The following USP35 variants were observed in gnomAD, a reference collection of about 807,000 sequenced individuals.
USP35 encodes ubiquitin specific peptidase 35, also known as ubiquitin carboxyl-terminal hydrolase 35.
A neutral mutation model predicts 83.8 loss-of-function variants in USP35; 69 were observed. That is an observed-to-expected ratio of 0.82 (90% CI 0.68 to 1.01). USP35 has a LOEUF of 1.01. USP35 is among the 50% of genes least tolerant of loss of function. USP35 has a pLI of 0.00. For missense variants in USP35, 1,503 were observed against 1,362.5 expected (o/e 1.10, Z -1.62); for synonymous variants, 714 against 589.5 (o/e 1.21, Z -3.06).
rs1232155677 is a variant in USP35, at chr11:78,210,098, C to G, written c.2243C>G (p.Ser748Cys). The G allele has an allele frequency of 1.2e-6, 2 of 1,613,938 alleles. No individual in the cohort carries two copies. Among genetic ancestry groups the G allele is most frequent in the Non-Finnish European group, 1.7e-6 (2 of 1,180,008 alleles). Residue 748 changes from serine (S) to cysteine (C), a missense_variant, in exon 10 of 11, where the codon TCC becomes TGC. Physicochemically the swap from Ser to Cys is moderately radical, Grantham distance 112 (BLOSUM62 -1). Transcript: ENST00000529308. ...AGTHPDAAIP[S>C]GERTCGSEGS... ...ACCCACCCGGATGCTGCCATCCCCTCCGGGGAGCGGACATGTGGCTCTGAG... is the reference window on the plus strand; with the variant it reads ...ACCCACCCGGATGCTGCCATCCCCTGCGGGGAGCGGACATGTGGCTCTGAG...
At chr11:78,208,145 A>G (rs1863593098) in intron 8 of USP35, among the ~76,000 whole-genome samples, 1 of 152,148 alleles carries the variant, frequency 6.6e-6, no homozygotes, top group Non-Finnish European at 1.5e-5. Context: ...GGGGAAAGCA[A>G]ACGGCCTGTG....
chr11:78,196,540 C>T lies in USP35; in HGVS notation c.295C>T (p.Arg99Cys). 2 of 1,230,166 alleles carry T rather than the reference C, an allele frequency of 1.6e-6. No homozygotes were observed. The highest frequency in any genetic ancestry group is 2.0e-6 in the Non-Finnish European group (2 of 978,972). The allele number at this position is 1,230,166 out of a possible 1,614,324, so 76.2% of individuals were successfully genotyped here. Residue 99 changes from arginine to cysteine, a missense_variant, in exon 2 of 11, where the codon CGC becomes TGC. Transcript: ENST00000529308. This position sits in a 1 kb window ranked among gnomAD's most constrained non-coding sequence, Gnocchi z 4.8. ...LQGGAGPPGP[R>C]ALACVQLGLQ... ...GGGTGGCGCCGGCCCCCCGGGCCCCCGCGCGCTCGCCTGCGTGCAGCTGGG... is the reference window on the plus strand; with the variant it reads ...GGGTGGCGCCGGCCCCCCGGGCCCCTGCGCGCTCGCCTGCGTGCAGCTGGG...
the USP35 span, chr11:78,223,651 G>C: frequency 6.2e-7 from 1 of 1,606,316 alleles, no homozygotes; most frequent in Non-Finnish European, 8.5e-7. Context: ...GGTGCTGTCC[G>C]ATCGGCCCAC....
In USP35 at chr11:78,210,762, G is replaced by A. The variant is rs1863739630; in HGVS notation, c.2889+18G>A. ...ACCTACAGGTGAGCTGAGCCGTGGGGCCTTTGATCTGATCTCTTGGTGGAG... is the reference window on the plus strand; with the variant it reads ...ACCTACAGGTGAGCTGAGCCGTGGGACCTTTGATCTGATCTCTTGGTGGAG... On this transcript the variant is annotated intron_variant, in intron 10 of 10. Coordinates refer to ENST00000529308, the MANE Select transcript of USP35 (RefSeq NM_020798.4). 2.0e-6 allele frequency: 3 copies of A among 1,513,456 alleles called. No homozygotes were observed. Among genetic ancestry groups the A allele is most frequent in the Non-Finnish European group, 2.6e-6 (3 of 1,133,944 alleles). 93.8% of individuals were successfully genotyped at this position (1,513,456 alleles called of 1,614,324 possible).
Position 78,210,687 on chromosome 11 carries a change from C to T in USP35, c.2832C>T (p.Pro944=), listed in dbSNP as rs777732464. The T allele has an allele frequency of 1.9e-6, 3 of 1,600,844 alleles. No homozygotes were observed. The highest frequency in any genetic ancestry group is 2.2e-5 in the South Asian group (2 of 90,210). Reference sequence around the variant, plus strand: ...GCTCTTCTAGAGTCCGGACAGAGCCCACCCTGCACAAGGACTTGATGGAAG... The same window carrying T: ...GCTCTTCTAGAGTCCGGACAGAGCCTACCCTGCACAAGGACTTGATGGAAG... ...ELGSSRVRTE[P]TLHKDLMEAI... The change falls in exon 10 of 11, where the codon CCC becomes CCT. Residue 944 remains proline (P), a synonymous_variant. Transcript: ENST00000529308.
intron 7 of USP35, 107 bp from the exon 8 acceptor site, chr11:78,207,423 T>G: frequency 9.2e-7 from 1 of 1,090,112 alleles, no homozygotes; most frequent in Non-Finnish European, 1.4e-6. Context: ...GGCAGAAATG[T>G]CTGTTCTGCC....
intron 3 of USP35, chr11:78,198,604 G>A (rs1483937502): frequency 4.9e-5 from 48 of 985,246 alleles, no homozygotes; most frequent in East Asian, 1.1e-4. Context: ...TGCAGACCCC[G>A]TCCACCTGGC....
Position 78,196,558 on chromosome 11 carries a change from C to T in USP35, c.313C>T (p.Gln105Ter), listed in dbSNP as rs1753119977. 1 of 1,246,338 alleles carries T rather than the reference C, an allele frequency of 8.0e-7. No homozygotes were observed. The allele number at this position is 1,246,338 out of a possible 1,614,324, so 77.2% of individuals were successfully genotyped here. ...GGGCCCCCGCGCGCTCGCCTGCGTG[C>T]AGCTGGGTCTGCAGCTGCTGCCCGA... ...PPGPRALACV[Q>*]LGLQLLPEGP... Residue 105 changes from glutamine to a stop codon, truncating the protein, a stop_gained, in exon 2 of 11, where the codon CAG (glutamine) becomes TAG (stop). Coordinates refer to ENST00000529308, the MANE Select transcript of USP35 (RefSeq NM_020798.4). LOFTEE classifies it high-confidence loss of function. The surrounding 1 kb of genome is among the most constrained non-coding windows in gnomAD (Gnocchi z 4.8).
At chr11:78,212,999 A>C (rs1184295513) in intron 10 of USP35, among the ~76,000 whole-genome samples, 6 of 152,190 alleles carry the variant, frequency 3.9e-5, no homozygotes, top group Non-Finnish European at 8.8e-5. Context: ...GAGCAGCTGG[A>C]ACAGCATGGG....
rs1214613091 is a variant in USP35, at chr11:78,215,016, AATGTCACAGACCCTCAAG to A, written c.*1212_*1229del. ...TGATGGTGGTGTGGAGTTTGGGCCC[AATGTCACAGACCCTCAAG>A]ATGTCACATCTAAGTGACCTGTGAA... On this transcript the variant is annotated 3_prime_UTR_variant, in exon 11 of 11. Transcript: ENST00000529308. Among the ~76,000 whole-genome samples, 3 of 152,054 alleles carry A rather than the reference AATGTCACAGACCCTCAAG, an allele frequency of 2.0e-5. No homozygotes were observed. The highest frequency in any genetic ancestry group is 4.8e-5 in the African/African-American group (2 of 41,388).
chr11:78,215,200 AT>A lies in USP35; in HGVS notation c.*1389del, dbSNP rs1387373331. ...TATTCACAGCCAAGAAAAATACCCA[AT>A]TATTTCCAAATAAAGCAAAAATTGG... On this transcript the variant is annotated 3_prime_UTR_variant, in exon 11 of 11. Coordinates refer to ENST00000529308, the MANE Select transcript of USP35 (RefSeq NM_020798.4). The A allele has an allele frequency of 6.6e-6, 1 of 150,770 alleles. No individual in the cohort carries two copies. Among genetic ancestry groups the A allele is most frequent in the East Asian group, 1.9e-4 (1 of 5,192 alleles). The allele number at this position is 150,770 out of a possible 1,614,324, so 9.3% of individuals were successfully genotyped here.
chr11:78,218,903 A>C, downstream of USP35: 1 of 195,714 alleles, frequency 5.1e-6, no homozygotes, highest in East Asian at 1.4e-4. Context: ...CTGTGACTGA[A>C]CGTGAGGTGT....
chr11:78,215,478 T>TAATAACTTAAGTGA (rs1262623119), downstream of USP35: 1 of 152,538 alleles, frequency 6.6e-6, no homozygotes, highest in African/African-American at 2.4e-5. Flanking sequence ...CAGAATAAAT[T>TAATAACTTAAGTGA]AATAACTTAA....
chr11:78,221,214 C>T, the USP35 span, among the ~76,000 whole-genome samples: 6 of 152,244 alleles, frequency 3.9e-5, no homozygotes, highest in Non-Finnish European at 5.9e-5. Flanking sequence ...TATGCAGTGA[C>T]TACCAGGTGC....
At chr11:78,200,880 C>G (rs1194287884) in intron 6 of USP35, 72 bp downstream of exon 6, 7 of 1,513,754 alleles carry the variant, frequency 4.6e-6, no homozygotes, top group Non-Finnish European at 6.2e-6. Flanking sequence ...TCCAGCGGGC[C>G]ATACCACAGC....
At chr11:78,220,236 T>TG in the USP35 span, 1 of 1,458,430 alleles carries the variant, frequency 6.9e-7, no homozygotes, top group South Asian at 1.2e-5. Flanking sequence ...TGCTGTTCAG[T>TG]GTTGAAGGCA....
chr11:78,198,187 CAT>C, intron 3 of USP35, 119 bp downstream of exon 3: 2 of 1,444,178 alleles, frequency 1.4e-6, no homozygotes, highest in South Asian at 2.6e-5. Flanking sequence ...CCCAGGCCCT[CAT>C]GTGTGTTCCA....
the USP35 span, chr11:78,231,867 G>A: frequency 6.6e-6 from 1 of 152,226 alleles, no homozygotes; most frequent in Non-Finnish European, 1.5e-5. Context: ...ATGCTTGTAA[G>A]TAGATTAAAC....
Position 78,196,237 on chromosome 11 carries a change from G to C in USP35, c.-9G>C. 1 of 1,587,548 alleles carries C rather than the reference G, an allele frequency of 6.3e-7. No homozygotes were observed. On this transcript the variant is annotated splice_region_variant and 5_prime_UTR_variant, in exon 2 of 11. Transcript: ENST00000529308. The surrounding 1 kb of genome is among the most constrained non-coding windows in gnomAD (Gnocchi z 4.8). ...GACCTCATTCCCTGTCCTCCGCAGC[G>C]CGGGCGCCATGGACAAGATCTTGGA...
Sources: allele counts gnomAD v4.1 joint callset (sites outside exome capture counted in the v4.1 genomes callset), GRCh38; gene constraint gnomAD v4.1.1; non-coding constraint Gnocchi (gnomAD v3.1); transcripts MANE v1.5; gene names NCBI Gene and HGNC (gene_info 2026-07-23, HGNC 2026-07-21).